IGF1: variants seen among roughly 807,000 people sequenced by gnomAD.
IGF1 encodes the protein insulin-like growth factor 1.
A neutral mutation model predicts 13.8 loss-of-function variants in IGF1; 4 were observed. The observed-to-expected ratio is 0.29, with a 90% CI of 0.14 to 0.66. IGF1 has a LOEUF of 0.66. IGF1 is among the 30% of genes least tolerant of loss of function. The pLI is 0.78. For synonymous variants in IGF1, 76 were observed against 72.6 expected, an observed-to-expected ratio of 1.05 and a Z score of -0.23; for missense variants, 124 against 188.5, an observed-to-expected ratio of 0.66 and a Z score of 2.00.
intron 2 of IGF1, among the ~76,000 whole-genome samples, chr12:102,444,199 G>T (rs1376519793): frequency 6.6e-6 from 1 of 151,876 alleles, no homozygotes; most frequent in African/African-American, 2.4e-5. Context: ...AGGGGGCAGA[G>T]TGAGGTCCTC....
intron 2 of IGF1, among the ~76,000 whole-genome samples, chr12:102,436,323 A>G (rs1296385768): frequency 6.6e-6 from 1 of 152,236 alleles, no homozygotes; most frequent in Non-Finnish European, 1.5e-5. Context: ...GAAAGCGAGA[A>G]ACACAAGCTA....
At chr12:102,456,056 G>C (rs934851253) in intron 2 of IGF1, among the ~76,000 whole-genome samples, 5 of 152,088 alleles carry the variant, frequency 3.3e-5, no homozygotes, top group African/African-American at 1.2e-4. Context: ...GGTTGCTAAG[G>C]AACCATATGT....
chr12:102,409,022 T>C (rs1378796960), intron 3 of IGF1, among the ~76,000 whole-genome samples: 1 of 152,170 alleles, frequency 6.6e-6, no homozygotes, highest in African/African-American at 2.4e-5. Context: ...AAATCCTAGC[T>C]CTCCCACACA....
intron 2 of IGF1, among the ~76,000 whole-genome samples, chr12:102,434,423 G>A (rs1335388449): frequency 6.6e-6 from 1 of 150,880 alleles, no homozygotes; most frequent in African/African-American, 2.4e-5. Context: ...CCCTGCGATA[G>A]TTTACTGAGA....
At chr12:102,480,219 CAATG>C in intron 1 of IGF1, 96 bp downstream of exon 1, 1 of 1,184,432 alleles carries the variant, frequency 8.4e-7, no homozygotes, top group Non-Finnish European at 1.2e-6. Context: ...GGTTCCGAAA[CAATG>C]AAAATTTTAA....
intron 2 of IGF1, among the ~76,000 whole-genome samples, chr12:102,467,693 C>T (rs1273831244): frequency 1.3e-5 from 2 of 152,188 alleles, no homozygotes; most frequent in African/African-American, 4.8e-5. Context: ...AAGGAACCAA[C>T]AAGATCTATG....
At chr12:102,416,536 A>G (rs1337774388) in intron 3 of IGF1, among the ~76,000 whole-genome samples, 2 of 152,158 alleles carry the variant, frequency 1.3e-5, no homozygotes, top group Non-Finnish European at 2.9e-5. Context: ...TGGCCAAAAG[A>G]AGAGCAGCTT....
chr12:102,449,164 A>G (rs1162536261), intron 2 of IGF1, among the ~76,000 whole-genome samples: 2 of 152,238 alleles, frequency 1.3e-5, no homozygotes, highest in African/African-American at 4.8e-5. Flanking sequence ...CCCATCAGTG[A>G]TAGACTGGAA....
chr12:102,465,689 C>A (rs183046045), intron 2 of IGF1, among the ~76,000 whole-genome samples: 2 of 152,300 alleles, frequency 1.3e-5, no homozygotes, highest in East Asian at 3.9e-4. Flanking sequence ...GTAATCCCAG[C>A]ACTTTGTGAG....
chr12:102,409,347 A>G (rs1565962926), intron 3 of IGF1, among the ~76,000 whole-genome samples: 1 of 152,338 alleles, frequency 6.6e-6, no homozygotes, highest in Middle Eastern at 3.4e-3. Context: ...CCACTAAAAC[A>G]TAAGTTCCTT....
intron 3 of IGF1, 160 bp from the exon 4 acceptor site, chr12:102,402,726 C>T (rs1435062521): frequency 3.0e-6 from 2 of 670,284 alleles, no homozygotes; most frequent in Non-Finnish European, 5.5e-6. Context: ...TATAGGTGGA[C>T]AGGCCCTTAG....
At position 102,398,385 on chromosome 12, in the gene IGF1, G is replaced by T. The variant is rs1034673043; in HGVS notation, c.*4122C>A. On this transcript the variant is annotated 3_prime_UTR_variant, in exon 4 of 4. Transcript: ENST00000337514. ...GTAAATCTATGTATTTTTTCTCTTT[G>T]TTCTTATTTTCTCCACTTGCTGAAT... 3 of 152,164 alleles carry T rather than the reference G, an allele frequency of 2.0e-5. No individual in the cohort carries two copies. The highest frequency in any genetic ancestry group is 4.4e-5 in the Non-Finnish European group (3 of 67,976). 9.4% of individuals were successfully genotyped at this position (152,164 alleles called of 1,614,324 possible). A position where few individuals can be genotyped will look rare whatever the true frequency, so the allele number is the denominator to read the frequency against.
At chr12:102,454,096 G>A (rs1879180841) in intron 2 of IGF1, among the ~76,000 whole-genome samples, 1 of 152,190 alleles carries the variant, frequency 6.6e-6, no homozygotes, top group Non-Finnish European at 1.5e-5. Flanking sequence ...CTGGCTGGAT[G>A]TCTCATGCAC....
At chr12:102,452,261 C>CAAAAAAAAAAAAAAAAAAA (rs538007224) in intron 2 of IGF1, among the ~76,000 whole-genome samples, 1 of 42,158 alleles carries the variant, frequency 2.4e-5, no homozygotes, top group Non-Finnish European at 3.7e-5. Flanking sequence ...GACTCCGTCT[C>CAAAAAAAAAAAAAAAAAAA]AAAAAAAAAA....
chr12:102,445,406 A>T (rs921648660), intron 2 of IGF1, among the ~76,000 whole-genome samples: 3 of 152,110 alleles, frequency 2.0e-5, no homozygotes, highest in Non-Finnish European at 4.4e-5. Context: ...GTCCTCTCTG[A>T]TTACCTTGAG....
upstream of IGF1, among the ~76,000 whole-genome samples, chr12:102,481,112 A>G (rs1226788810): frequency 6.6e-6 from 1 of 152,138 alleles, no homozygotes; most frequent in East Asian, 1.9e-4. Context: ...CCTAGAACCT[A>G]TGGAGGGGCA....
chr12:102,414,191 C>G (rs1874885933), intron 3 of IGF1, among the ~76,000 whole-genome samples: 1 of 152,090 alleles, frequency 6.6e-6, no homozygotes, highest in African/African-American at 2.4e-5. Flanking sequence ...CAGACACACA[C>G]ATGCACACAC....
At position 102,429,814 on chromosome 12, in the gene IGF1, A is replaced by C. The variant is rs34300540; in HGVS notation, c.221-10124T>G. ...GCCACATCACTCTGCTTTGGGATCC[A>C]CTCTGAGGCAATGGCCTTTTGGCCT... is the stretch of plus-strand genomic sequence containing the variant. On this transcript the variant is annotated intron_variant, in intron 2 of 3. Transcript: ENST00000337514. 3.9e-3 allele frequency among the ~76,000 whole-genome samples: 591 copies of C among 152,192 alleles called. 5 individuals are homozygous for C. Among genetic ancestry groups the C allele is most frequent in the African/African-American group, 0.014 (563 of 41,526 alleles).
At chr12:102,423,598 T>A (rs903129237) in intron 2 of IGF1, among the ~76,000 whole-genome samples, 2 of 152,182 alleles carry the variant, frequency 1.3e-5, no homozygotes, top group African/African-American at 2.4e-5. Flanking sequence ...TACTGCTGTA[T>A]CTTAAAAGTT....
Sources: gnomAD v4.1 joint callset for allele counts (sites outside exome capture counted in the v4.1 genomes callset) on GRCh38, gnomAD v4.1.1 for gene constraint, MANE v1.5 for transcripts, NCBI Gene and HGNC (gene_info 2026-07-23, HGNC 2026-07-21) for gene names.